The following GPR20 variants were observed in gnomAD, a reference collection of about 807,000 sequenced individuals.
The protein encoded by GPR20 is G protein-coupled receptor 20.
For missense variants in GPR20, 494 were observed against 527.4 expected (o/e 0.94, Z 0.62); for synonymous variants, 241 against 241.9 (o/e 1.00, Z 0.04).
At position 141,356,992 on chromosome 8, in the gene GPR20, A is replaced by G. The variant is rs1831650308; in HGVS notation, c.932T>C (p.Leu311Pro). 1 of 1,613,156 alleles carries G rather than the reference A, an allele frequency of 6.2e-7. No individual in the cohort carries two copies. The highest frequency in any genetic ancestry group is 1.1e-5 in the South Asian group (1 of 91,088). ...TSGFQATVRG[L>P]FGQHGEREPS... Reference sequence around the variant, plus strand: ...CTCACGCTCTCCGTGCTGGCCGAAGAGGCCTCGGACGGTGGCCTGGAAGCC... The same window carrying G: ...CTCACGCTCTCCGTGCTGGCCGAAGGGGCCTCGGACGGTGGCCTGGAAGCC... Residue 311 changes from leucine (L) to proline (P), a missense_variant, in exon 2 of 2, where the codon CTC becomes CCC. Physicochemically the swap from Leu to Pro is moderately conservative, Grantham distance 98. Coordinates refer to ENST00000377741, the MANE Select transcript of GPR20 (RefSeq NM_005293.3).
chr8:141,365,261 T>C (rs1831797709), intron 1 of GPR20, among the ~76,000 whole-genome samples: 1 of 152,196 alleles, frequency 6.6e-6, no homozygotes, highest in Non-Finnish European at 1.5e-5. Context: ...CAGGGTCTTA[T>C]TGACTTCCCT....
intron 1 of GPR20, among the ~76,000 whole-genome samples, chr8:141,364,106 A>G (rs1831779301): frequency 1.3e-5 from 2 of 152,192 alleles, no homozygotes; most frequent in African/African-American, 4.8e-5. Context: ...CACTGGCAGG[A>G]CCCGGCACAG....
chr8:141,366,328 G>C (rs566908745), intron 1 of GPR20, among the ~76,000 whole-genome samples: 1 of 152,202 alleles, frequency 6.6e-6, no homozygotes, highest in East Asian at 1.9e-4. Context: ...ACCAGCTGTT[G>C]AAGGAAGAAG....
intron 1 of GPR20, 94 bp from the exon 2 acceptor site, chr8:141,358,041 C>A (rs934811284): frequency 1.6e-6 from 1 of 634,914 alleles, no homozygotes; most frequent in African/African-American, 1.8e-5. Context: ...TGCCCCTGCA[C>A]GCCCAGCATC....
chr8:141,356,737 C>T lies in GPR20; in HGVS notation c.*110G>A, dbSNP rs1049643170. On this transcript the variant is annotated 3_prime_UTR_variant, in exon 2 of 2. Transcript: ENST00000377741. ...CGCTCAATGCGGTGCTCTGGGTAGC[C>T]ATCACCAATCAATCGAGATGGAACC... is the stretch of plus-strand genomic sequence containing the variant. The T allele has an allele frequency of 1.3e-5, 9 of 716,188 alleles. No homozygotes were observed. The highest frequency in any genetic ancestry group is 3.6e-4 in the Middle Eastern group (1 of 2,744). 44.4% of individuals were successfully genotyped at this position (716,188 alleles called of 1,614,324 possible).
chr8:141,362,034 G>C (rs766496208), intron 1 of GPR20, among the ~76,000 whole-genome samples: 1 of 152,196 alleles, frequency 6.6e-6, no homozygotes. Context: ...TGGGTTGGGG[G>C]TTCTCCCTGG....
At position 141,357,044 on chromosome 8, in the gene GPR20, G is replaced by A; in HGVS notation, c.880C>T (p.Pro294Ser). ...TLSSLNSCMD[P>S]IVYCFVTSGF... ...CTGGTGACGAAGCAGTAGACGATGGGGTCCATGCAGCTGTTGAGGCTGCTG... is the reference window on the plus strand; with the variant it reads ...CTGGTGACGAAGCAGTAGACGATGGAGTCCATGCAGCTGTTGAGGCTGCTG... Residue 294 changes from proline to serine, a missense_variant, in exon 2 of 2, where the codon CCC (proline) becomes TCC (serine). By Grantham distance (74) the Pro-to-Ser change is moderately conservative. Coordinates refer to ENST00000377741, the MANE Select transcript of GPR20 (RefSeq NM_005293.3). 6.2e-7 allele frequency: 1 copy of A among 1,612,868 alleles called. No individual in the cohort carries two copies. Among genetic ancestry groups the A allele is most frequent in the Non-Finnish European group, 8.5e-7 (1 of 1,179,694 alleles).
intron 1 of GPR20, among the ~76,000 whole-genome samples, chr8:141,363,851 G>A (rs1831775581): frequency 6.6e-6 from 1 of 152,214 alleles, no homozygotes; most frequent in Non-Finnish European, 1.5e-5. Flanking sequence ...GCAGCAGATG[G>A]CCCAGGGTGG....
chr8:141,361,053 C>T (rs1358934140), intron 1 of GPR20, among the ~76,000 whole-genome samples: 10 of 152,234 alleles, frequency 6.6e-5, no homozygotes, highest in Admixed American at 6.5e-4. Context: ...GGCAGGCACC[C>T]TGGGTCTGTC....
intron 1 of GPR20, among the ~76,000 whole-genome samples, chr8:141,363,117 G>A (rs771123104): frequency 2.0e-5 from 3 of 152,200 alleles, no homozygotes; most frequent in Non-Finnish European, 2.9e-5. Flanking sequence ...CGCCACCTTC[G>A]AGGCCTCGGG....
chr8:141,365,746 C>T (rs576410321), intron 1 of GPR20, among the ~76,000 whole-genome samples: 3 of 152,240 alleles, frequency 2.0e-5, no homozygotes, highest in Non-Finnish European at 2.9e-5. Context: ...ACACCGGGGG[C>T]GTGGGGAGGG....
In GPR20 at chr8:141,357,751, G is replaced by C; in HGVS notation, c.173C>G (p.Ala58Gly). Residue 58 changes from alanine (A) to glycine (G), a missense_variant, in exon 2 of 2, where the codon GCG becomes GGG. Transcript: ENST00000377741. The stretch of plus-strand genomic sequence containing the variant: ...TGCCAGGAAGATGGCTCCGTGCACC[G>C]CCATCAGCGCCAGCCACAGGCCTGG... ...TFPGLWLALMAVHGAIFLAGL... is the reference protein window; with the variant it reads ...TFPGLWLALMGVHGAIFLAGL... The C allele has an allele frequency of 3.7e-6, 6 of 1,613,148 alleles. No homozygotes were observed. The highest frequency in any genetic ancestry group is 5.1e-6 in the Non-Finnish European group (6 of 1,179,942).
chr8:141,358,872 A>C (rs1831691909), intron 1 of GPR20, among the ~76,000 whole-genome samples: 1 of 151,892 alleles, frequency 6.6e-6, no homozygotes, highest in Non-Finnish European at 1.5e-5. Context: ...TGAGTCAAAT[A>C]AACACCGAGC....
At chr8:141,359,989 G>C (rs1009209346) in intron 1 of GPR20, among the ~76,000 whole-genome samples, 13 of 152,174 alleles carry the variant, frequency 8.5e-5, no homozygotes, top group African/African-American at 3.1e-4. Flanking sequence ...AACACAGAAC[G>C]TTTCCTGTGG....
chr8:141,366,753 G>A (rs1031266075), intron 1 of GPR20, among the ~76,000 whole-genome samples: 1 of 152,234 alleles, frequency 6.6e-6, no homozygotes, highest in African/African-American at 2.4e-5. Context: ...AGGCCCCAGA[G>A]CCTGCCAAGT....
At chr8:141,363,696 G>A (rs1396889528) in intron 1 of GPR20, among the ~76,000 whole-genome samples, 1 of 152,240 alleles carries the variant, frequency 6.6e-6, no homozygotes, top group African/African-American at 2.4e-5. Context: ...TGGCCGGTGG[G>A]TGGGGAGGGC....
intron 1 of GPR20, among the ~76,000 whole-genome samples, chr8:141,358,886 C>T (rs1247441979): frequency 2.0e-5 from 3 of 151,956 alleles, no homozygotes; most frequent in Non-Finnish European, 2.9e-5. Flanking sequence ...ACCGAGCTCC[C>T]GTCTGGCCTG....
chr8:141,358,938 G>A (rs1038877475), intron 1 of GPR20, among the ~76,000 whole-genome samples: 3 of 152,034 alleles, frequency 2.0e-5, no homozygotes, highest in African/African-American at 7.3e-5. Flanking sequence ...GGGCTGTGCC[G>A]GAGCCACCCA....
At chr8:141,364,292 T>C (rs754743277) in intron 1 of GPR20, among the ~76,000 whole-genome samples, 8 of 152,276 alleles carry the variant, frequency 5.3e-5, no homozygotes, top group Non-Finnish European at 1.2e-4. Context: ...CTTCCAGGGC[T>C]AAAATAGCCA....
Sources: gnomAD v4.1 joint callset for allele counts (sites outside exome capture counted in the v4.1 genomes callset) on GRCh38, gnomAD v4.1.1 for gene constraint, MANE v1.5 for transcripts, NCBI Gene and HGNC (gene_info 2026-07-23, HGNC 2026-07-21) for gene names.